TBCK: variants seen among roughly 807,000 people sequenced by gnomAD.
TBCK encodes TBC1 domain containing kinase, also known as TBC domain-containing protein kinase-like protein.
Under a neutral mutation model 113.4 loss-of-function variants are expected in TBCK, and 99 were observed. The observed-to-expected ratio is 0.87, with a 90% CI of 0.74 to 1.03. The LOEUF is 1.03. Ranked by LOEUF, TBCK falls within the 50% of genes least tolerant of loss-of-function variation. The probability of loss-of-function intolerance (pLI) is 0.00; values close to 1 mark genes in which losing one functional copy is unlikely to be tolerated. For missense variants in TBCK, 1,045 were observed against 1,061.3 expected (o/e 0.98, Z 0.21); for synonymous variants, 369 against 370.8 (o/e 1.00, Z 0.05).
At chr4:106,200,983 T>C (rs1322703864) in intron 20 of TBCK, among the ~76,000 whole-genome samples, 2 of 152,076 alleles carry the variant, frequency 1.3e-5, no homozygotes, top group African/African-American at 4.8e-5. Context: ...TATTAAATAA[T>C]GGCATGTATT....
chr4:106,230,011 A>G (rs550427353), intron 19 of TBCK, among the ~76,000 whole-genome samples: 92 of 152,110 alleles, frequency 6.0e-4, no homozygotes, highest in African/African-American at 1.9e-3. Flanking sequence ...CTGCTTACAC[A>G]ATTAAACATT....
intron 23 of TBCK, among the ~76,000 whole-genome samples, chr4:106,169,743 C>T (rs1750775710): frequency 1.3e-5 from 2 of 152,060 alleles, no homozygotes; most frequent in South Asian, 2.1e-4. Context: ...GAAATAATTA[C>T]ATGACTCTTC....
intron 3 of TBCK, among the ~76,000 whole-genome samples, chr4:106,275,973 A>G (rs1433513391): frequency 6.6e-6 from 1 of 152,180 alleles, no homozygotes; most frequent in Non-Finnish European, 1.5e-5. Flanking sequence ...ATCTTGAAAC[A>G]GAAGAACAAA....
chr4:106,152,642 T>A (rs902679397), intron 23 of TBCK, among the ~76,000 whole-genome samples: 2 of 152,102 alleles, frequency 1.3e-5, no homozygotes, highest in Non-Finnish European at 1.5e-5. Flanking sequence ...TTCAGAATAG[T>A]CTGAATAGAA....
At chr4:106,090,241 A>T (rs1000785371) in intron 25 of TBCK, among the ~76,000 whole-genome samples, 2 of 152,188 alleles carry the variant, frequency 1.3e-5, no homozygotes, top group South Asian at 2.1e-4. Context: ...TGCTCCCTCT[A>T]GGGTGGCAGC....
At chr4:106,076,487 G>A (rs62320123) in intron 25 of TBCK, among the ~76,000 whole-genome samples, 2 of 152,124 alleles carry the variant, frequency 1.3e-5, no homozygotes, top group East Asian at 3.9e-4. Context: ...TTAGTGAGAG[G>A]TTGTCATGTA....
chr4:106,284,620 A>C (rs1764936910), intron 3 of TBCK, among the ~76,000 whole-genome samples: 1 of 152,108 alleles, frequency 6.6e-6, no homozygotes, highest in Non-Finnish European at 1.5e-5. Flanking sequence ...AACTTAACAC[A>C]ATGTAGAAAC....
intron 23 of TBCK, among the ~76,000 whole-genome samples, chr4:106,167,534 G>A (rs1750537221): frequency 6.6e-6 from 1 of 151,320 alleles, no homozygotes; most frequent in Admixed American, 6.6e-5. Context: ...AATCAGAGCA[G>A]AAATCAATGA....
At chr4:106,132,923 C>A (rs1057427935) in intron 23 of TBCK, among the ~76,000 whole-genome samples, 1 of 152,180 alleles carries the variant, frequency 6.6e-6, no homozygotes. Context: ...ATGCCTGTAC[C>A]CCCACTGTAT....
chr4:106,184,535 T>C lies in TBCK; in HGVS notation c.2059+9074A>G, dbSNP rs1429888967. The stretch of plus-strand genomic sequence containing the variant: ...ATTATGCATGAATATTCTGTTCTGG[T>C]ACAAAGAAATAATAAACCACCAATA... On this transcript the variant is annotated intron_variant, in intron 22 of 25. Transcript: ENST00000394708. Among the ~76,000 whole-genome samples, 3 of 151,974 alleles carry C rather than the reference T, an allele frequency of 2.0e-5. No individual in the cohort carries two copies. The East Asian group carries it at 5.8e-4, about 29-fold the overall frequency.
chr4:106,186,907 T>G (rs1476480305), intron 22 of TBCK, among the ~76,000 whole-genome samples: 1 of 152,164 alleles, frequency 6.6e-6, no homozygotes, highest in East Asian at 1.9e-4. Context: ...CTCGAGTTAA[T>G]CTTCATATAT....
intron 23 of TBCK, among the ~76,000 whole-genome samples, chr4:106,129,373 A>T (rs924070324): frequency 6.6e-6 from 1 of 152,144 alleles, no homozygotes; most frequent in Non-Finnish European, 1.5e-5. Context: ...GCTCCCACTT[A>T]TAAGTGAACA....
At chr4:106,107,315 C>A (rs1742284448) in intron 24 of TBCK, among the ~76,000 whole-genome samples, 1 of 152,144 alleles carries the variant, frequency 6.6e-6, no homozygotes, top group Non-Finnish European at 1.5e-5. Flanking sequence ...CGTCTCCACC[C>A]CAAACCAACA....
intron 25 of TBCK, among the ~76,000 whole-genome samples, chr4:106,080,909 G>C (rs868563675): frequency 6.6e-6 from 1 of 152,066 alleles, no homozygotes; most frequent in African/African-American, 2.4e-5. Context: ...GCCAACGAAC[G>C]TAAGGAAGAA....
chr4:106,091,443 A>G (rs1236920533), intron 25 of TBCK, among the ~76,000 whole-genome samples: 2 of 152,038 alleles, frequency 1.3e-5, no homozygotes, highest in African/African-American at 4.8e-5. Flanking sequence ...GCAGCCACGG[A>G]CCCTTGTGGT....
At chr4:106,166,911 A>G (rs1022775457) in intron 23 of TBCK, among the ~76,000 whole-genome samples, 2 of 151,238 alleles carry the variant, frequency 1.3e-5, no homozygotes, top group Non-Finnish European at 3.0e-5. Context: ...AATTGTCTCA[A>G]TAAAGAGTAT....
At chr4:106,097,348 C>G (rs894742779) in intron 24 of TBCK, among the ~76,000 whole-genome samples, 1 of 152,078 alleles carries the variant, frequency 6.6e-6, no homozygotes, top group African/African-American at 2.4e-5. Context: ...ACCAAAATGT[C>G]CTGGATAATA....
At chr4:106,205,168 T>G (rs1027935366) in intron 20 of TBCK, among the ~76,000 whole-genome samples, 1 of 152,230 alleles carries the variant, frequency 6.6e-6, no homozygotes, top group African/African-American at 2.4e-5. Context: ...TATCTGCCAC[T>G]GTGAAATTGG....
chr4:106,249,447 G>A (rs1761192779), intron 7 of TBCK, among the ~76,000 whole-genome samples: 1 of 152,132 alleles, frequency 6.6e-6, no homozygotes, highest in Non-Finnish European at 1.5e-5. Flanking sequence ...TGGGTTCTGT[G>A]GGGCTGACTG....
Sources: gnomAD v4.1 joint callset for allele counts (sites outside exome capture counted in the v4.1 genomes callset) on GRCh38, gnomAD v4.1.1 for gene constraint, MANE v1.5 for transcripts, NCBI Gene and HGNC (gene_info 2026-07-23, HGNC 2026-07-21) for gene names.